LDB2: variants seen among roughly 807,000 people sequenced by gnomAD.
LDB2 encodes LIM domain binding 2, also known as LIM domain-binding protein 2.
LDB2 carries 12 observed loss-of-function variants against 44.3 expected under a neutral mutation model. The ratio of observed to expected loss-of-function variants is 0.27; its 90% confidence interval spans 0.17 to 0.44. The LOEUF is 0.44. Among genes scored for constraint, LDB2 ranks in the 20% least tolerant of loss-of-function variants. The pLI is 1.00. For synonymous variants in LDB2, 164 were observed against 174.8 expected (o/e 0.94, Z 0.49); for missense variants, 344 against 473.5 (o/e 0.73, Z 2.54).
At chr4:16,725,280 A>G (rs1240805440) in intron 2 of LDB2, among the ~76,000 whole-genome samples, 1 of 152,060 alleles carries the variant, frequency 6.6e-6, no homozygotes, top group Non-Finnish European at 1.5e-5. Context: ...ACGCACATAT[A>G]TACATCTGGA....
chr4:16,694,216 T>C (rs1256151500), intron 2 of LDB2, among the ~76,000 whole-genome samples: 1 of 152,234 alleles, frequency 6.6e-6, no homozygotes, highest in Non-Finnish European at 1.5e-5. Flanking sequence ...AGGATTTTAA[T>C]GGATTCCTGA....
intron 1 of LDB2, among the ~76,000 whole-genome samples, chr4:16,867,069 C>G (rs1714962349): frequency 6.6e-6 from 1 of 152,188 alleles, no homozygotes; most frequent in Non-Finnish European, 1.5e-5. Context: ...GGCACAGCGT[C>G]TCTCAGAGGC....
intron 1 of LDB2, among the ~76,000 whole-genome samples, chr4:16,788,231 T>C (rs1774907460): frequency 6.6e-6 from 1 of 152,214 alleles, no homozygotes; most frequent in Admixed American, 6.5e-5. Flanking sequence ...ACCATTCTAT[T>C]AACAGGAGCC....
chr4:16,896,547 TGGA>T (rs1304080325), intron 1 of LDB2, among the ~76,000 whole-genome samples: 1 of 152,158 alleles, frequency 6.6e-6, no homozygotes, highest in East Asian at 1.9e-4. Context: ...TGCAGGAGGA[TGGA>T]GAAGAATCTC....
chr4:16,885,291 C>T (rs553387666), intron 1 of LDB2, among the ~76,000 whole-genome samples: 1 of 151,638 alleles, frequency 6.6e-6, no homozygotes, highest in South Asian at 2.1e-4. Context: ...CCTGTGATCA[C>T]ACCACTGCAC....
intron 1 of LDB2, among the ~76,000 whole-genome samples, chr4:16,821,477 G>A (rs1157786575): frequency 3.3e-5 from 5 of 149,746 alleles, no homozygotes; most frequent in Non-Finnish European, 5.9e-5. Flanking sequence ...TCCACCTCCC[G>A]GGTTCACGCC....
rs115889628 is a variant in LDB2 at position 16,574,133 on chromosome 4, G to A, written c.615+11789C>T. On this transcript the variant is annotated intron_variant, in intron 5 of 7. Coordinates refer to ENST00000304523, the MANE Select transcript of LDB2 (RefSeq NM_001290.5). The stretch of plus-strand genomic sequence containing the variant: ...CATGCAGGGACCAATGTTCTTTAAA[G>A]TATAACAATAACAACAACGAAAATC... 3.0e-3 allele frequency among the ~76,000 whole-genome samples: 462 copies of A among 152,256 alleles called. 4 individuals carry two copies. Among genetic ancestry groups the A allele is most frequent in the African/African-American group, 0.011 (439 of 41,536 alleles).
At chr4:16,503,181 T>C in intron 7 of LDB2, 1 of 1,528,842 alleles carries the variant, frequency 6.5e-7, no homozygotes, top group Non-Finnish European at 8.8e-7. Context: ...ATCCATGCTT[T>C]CAACTTGCCG....
chr4:16,760,304 T>C (rs932545802), intron 1 of LDB2, among the ~76,000 whole-genome samples: 3 of 152,176 alleles, frequency 2.0e-5, no homozygotes, highest in Non-Finnish European at 4.4e-5. Context: ...TCCCATTAAG[T>C]TGCTCTGCTT....
intron 1 of LDB2, among the ~76,000 whole-genome samples, chr4:16,858,647 G>C (rs753078373): frequency 2.4e-4 from 37 of 152,202 alleles, no homozygotes; most frequent in Non-Finnish European, 4.3e-4. Flanking sequence ...TCGCCTGAAG[G>C]AACTCCGGGT....
chr4:16,740,997 G>C (rs1763133017), intron 2 of LDB2, among the ~76,000 whole-genome samples: 1 of 152,064 alleles, frequency 6.6e-6, no homozygotes, highest in African/African-American at 2.4e-5. Flanking sequence ...TCTAGCCTGT[G>C]GAAAAAAATG....
chr4:16,613,593 C>T (rs981095495), intron 2 of LDB2, among the ~76,000 whole-genome samples: 7 of 152,126 alleles, frequency 4.6e-5, no homozygotes, highest in Non-Finnish European at 8.8e-5. Flanking sequence ...AATCAATGTG[C>T]AAACATCACA....
intron 2 of LDB2, among the ~76,000 whole-genome samples, chr4:16,634,194 T>C (rs1206691165): frequency 1.3e-5 from 2 of 149,170 alleles, no homozygotes; most frequent in Non-Finnish European, 3.0e-5. Context: ...ATTCAGGACA[T>C]AGGCATGGGC....
intron 3 of LDB2, among the ~76,000 whole-genome samples, chr4:16,591,744 T>C (rs1481811309): frequency 1.3e-5 from 2 of 152,170 alleles, no homozygotes; most frequent in African/African-American, 4.8e-5. Context: ...TATATATGTA[T>C]TTCCTATTCA....
At chr4:16,801,923 C>T (rs1247223357) in intron 1 of LDB2, among the ~76,000 whole-genome samples, 1 of 152,290 alleles carries the variant, frequency 6.6e-6, no homozygotes, top group East Asian at 1.9e-4. Context: ...CATTTGAAAA[C>T]ACCCATGGAA....
At chr4:16,743,239 G>A (rs1054387976) in intron 2 of LDB2, among the ~76,000 whole-genome samples, 9 of 152,146 alleles carry the variant, frequency 5.9e-5, no homozygotes, top group Admixed American at 1.3e-4. Flanking sequence ...GCAGTGAGCC[G>A]GGATCGCACC....
chr4:16,891,386 C>T (rs2110518576), intron 1 of LDB2, among the ~76,000 whole-genome samples: 1 of 141,602 alleles, frequency 7.1e-6, no homozygotes, highest in African/African-American at 2.6e-5. Context: ...AATCTCGGCT[C>T]ACTGCAGCCT....
intron 5 of LDB2, 148 bp downstream of exon 5, chr4:16,585,774 C>A (rs1463147046): frequency 3.9e-5 from 10 of 253,520 alleles, no homozygotes; most frequent in Non-Finnish European, 1.6e-5. Context: ...CCATTGAAAA[C>A]ACACACACAC....
intron 1 of LDB2, chr4:16,893,070 C>T: frequency 4.1e-6 from 4 of 970,594 alleles, no homozygotes; most frequent in Non-Finnish European, 4.9e-6. Flanking sequence ...AAGAGTCTTA[C>T]AATTGGTTTT....
Sources: gnomAD v4.1 joint callset for allele counts (sites outside exome capture counted in the v4.1 genomes callset) on GRCh38, gnomAD v4.1.1 for gene constraint, MANE v1.5 for transcripts, NCBI Gene and HGNC (gene_info 2026-07-23, HGNC 2026-07-21) for gene names.